ELAPOR2: variants seen among roughly 807,000 people sequenced by gnomAD.
ELAPOR2 encodes the protein endosome-lysosome associated apoptosis and autophagy regulator family member 2, also known as endosome/lysosome-associated apoptosis and autophagy regulator family member 2.
A neutral mutation model predicts 120.7 loss-of-function variants in ELAPOR2; 89 were observed. The ratio of observed to expected loss-of-function variants is 0.74; its 90% CI spans 0.62 to 0.88. The LOEUF is 0.88. Among genes scored for constraint, ELAPOR2 ranks in the 40% least tolerant of loss-of-function variants. ELAPOR2 has a pLI of 0.00. For missense variants in ELAPOR2, 1,134 were observed against 1,251.6 expected (o/e 0.91, Z 1.42); for synonymous variants, 444 against 444.9 (o/e 1.00, Z 0.03).
At chr7:87,053,245 A>G (rs1000455849) in intron 1 of ELAPOR2, among the ~76,000 whole-genome samples, 2 of 152,244 alleles carry the variant, frequency 1.3e-5, no homozygotes, top group African/African-American at 4.8e-5. Flanking sequence ...GTCAGTGATT[A>G]GTGCTCCCAA....
At chr7:86,949,720 C>T (rs1375875618) in intron 2 of ELAPOR2, among the ~76,000 whole-genome samples, 3 of 152,240 alleles carry the variant, frequency 2.0e-5, no homozygotes, top group Non-Finnish European at 4.4e-5. Context: ...TGAGCCTGGG[C>T]ACTCTGCTAA....
chr7:86,973,164 A>G (rs1185460229), intron 1 of ELAPOR2, among the ~76,000 whole-genome samples: 1 of 152,108 alleles, frequency 6.6e-6, no homozygotes, highest in Non-Finnish European at 1.5e-5. Context: ...GGAAGATCTC[A>G]TTATGTCATC....
intron 18 of ELAPOR2, among the ~76,000 whole-genome samples, 198 bp from the exon 19 acceptor site, chr7:86,897,830 A>G (rs964011120): frequency 1.3e-5 from 2 of 152,174 alleles, no homozygotes; most frequent in South Asian, 2.1e-4. Flanking sequence ...GCTGGAATCA[A>G]AAAGATAATA....
intron 10 of ELAPOR2, among the ~76,000 whole-genome samples, chr7:86,920,144 G>T (rs1465306279): frequency 6.6e-6 from 1 of 152,104 alleles, no homozygotes; most frequent in Non-Finnish European, 1.5e-5. Context: ...CTGACTTGGC[G>T]ATTTTTGAAA....
At chr7:86,902,240 G>A (rs895898884) in intron 18 of ELAPOR2, among the ~76,000 whole-genome samples, 16 of 151,998 alleles carry the variant, frequency 1.1e-4, no homozygotes, top group African/African-American at 3.9e-4. Flanking sequence ...GCTATGGCGC[G>A]ATCTCAGCTC....
At chr7:87,004,677 C>T (rs1383452447) in intron 1 of ELAPOR2, among the ~76,000 whole-genome samples, 1 of 152,140 alleles carries the variant, frequency 6.6e-6, no homozygotes, top group Non-Finnish European at 1.5e-5. Flanking sequence ...CTATCAAGGT[C>T]ACATGCTGGT....
chr7:86,892,868 T>C, intron 20 of ELAPOR2, 54 bp downstream of exon 20: 1 of 1,389,940 alleles, frequency 7.2e-7, no homozygotes, highest in East Asian at 2.8e-5. Context: ...TCTAGAATTT[T>C]CACAACAAAA....
chr7:86,880,424 G>C lies in ELAPOR2; in HGVS notation c.*47C>G. Reference sequence around the variant, plus strand: ...CCTAAAATATGGTCCTGTAAAACTAGAGCAGGTTTCTTTGTTCATTAGTCT... The same window carrying C: ...CCTAAAATATGGTCCTGTAAAACTACAGCAGGTTTCTTTGTTCATTAGTCT... On this transcript the variant is annotated 3_prime_UTR_variant, in exon 22 of 22. Coordinates refer to ENST00000450689, the MANE Select transcript of ELAPOR2 (RefSeq NM_001142749.3). 2 of 1,349,794 alleles carry C rather than the reference G, an allele frequency of 1.5e-6. No homozygotes were observed. The highest frequency in any genetic ancestry group is 2.1e-6 in the Non-Finnish European group (2 of 940,612). The allele number at this position is 1,349,794 out of a possible 1,614,324, so 83.6% of individuals were successfully genotyped here.
At chr7:87,049,682 A>G (rs924205789) in intron 1 of ELAPOR2, among the ~76,000 whole-genome samples, 6 of 152,220 alleles carry the variant, frequency 3.9e-5, no homozygotes, top group Non-Finnish European at 8.8e-5. Flanking sequence ...GAATGAAGAG[A>G]GTTCCAGGCA....
intron 16 of ELAPOR2, among the ~76,000 whole-genome samples, chr7:86,909,161 C>G (rs1340917755): frequency 1.3e-5 from 2 of 151,944 alleles, no homozygotes; most frequent in Non-Finnish European, 2.9e-5. Context: ...TGCTGAAAGT[C>G]AATGCTAAAT....
intron 2 of ELAPOR2, among the ~76,000 whole-genome samples, chr7:86,951,887 C>T (rs1348399946): frequency 6.6e-6 from 1 of 152,212 alleles, no homozygotes; most frequent in Admixed American, 6.5e-5. Flanking sequence ...TTATCTAACA[C>T]ATGTATTTTT....
intron 1 of ELAPOR2, among the ~76,000 whole-genome samples, chr7:87,019,525 A>G (rs1037412622): frequency 1.3e-5 from 2 of 152,208 alleles, no homozygotes; most frequent in African/African-American, 4.8e-5. Flanking sequence ...ACTAAAAGTC[A>G]TTAAGCAGGC....
chr7:87,057,094 G>A (rs770681351), intron 1 of ELAPOR2, among the ~76,000 whole-genome samples: 5 of 152,238 alleles, frequency 3.3e-5, no homozygotes, highest in East Asian at 1.9e-4. Flanking sequence ...AATGATAAAC[G>A]AGCAGGAGTG....
chr7:87,008,609 G>A (rs1280874319), intron 1 of ELAPOR2, among the ~76,000 whole-genome samples: 2 of 152,158 alleles, frequency 1.3e-5, no homozygotes, highest in Non-Finnish European at 2.9e-5. Flanking sequence ...TGGCCAGGCT[G>A]GTCTCAAACT....
At position 86,878,122 on chromosome 7, in the gene ELAPOR2, G is replaced by A. The variant is rs551112828; in HGVS notation, c.*2349C>T. 6.6e-6 allele frequency: 1 copy of A among 152,090 alleles called. No individual in the cohort carries two copies. Among genetic ancestry groups the A allele is most frequent in the East Asian group, 1.9e-4 (1 of 5,202 alleles). The allele number at this position is 152,090 out of a possible 1,614,324, so 9.4% of individuals were successfully genotyped here. ...AAATAACTTCTTCTACCACTTAGGG[G>A]GGAAAAGGAACAAGTGTCAATCAAA... On this transcript the variant is annotated 3_prime_UTR_variant, in exon 22 of 22. Coordinates refer to ENST00000450689, the MANE Select transcript of ELAPOR2 (RefSeq NM_001142749.3).
At chr7:87,010,434 C>T (rs1562966756) in intron 1 of ELAPOR2, among the ~76,000 whole-genome samples, 1 of 152,192 alleles carries the variant, frequency 6.6e-6, no homozygotes, top group African/African-American at 2.4e-5. Context: ...GAAGACTAAG[C>T]ATCCTCTAGC....
At chr7:86,983,904 G>A (rs1172687259) in intron 1 of ELAPOR2, among the ~76,000 whole-genome samples, 1 of 152,198 alleles carries the variant, frequency 6.6e-6, no homozygotes, top group Non-Finnish European at 1.5e-5. Context: ...ATTGGATAAA[G>A]AGTCAAGACC....
intron 1 of ELAPOR2, among the ~76,000 whole-genome samples, chr7:86,984,400 A>T (rs1476485556): frequency 6.6e-6 from 1 of 152,216 alleles, no homozygotes; most frequent in African/African-American, 2.4e-5. Flanking sequence ...TCAGCACCAC[A>T]TTGCACTTAT....
Position 86,983,833 on chromosome 7 carries a change from A to G in ELAPOR2, c.190-18809T>C, listed in dbSNP as rs544563449. Among the ~76,000 whole-genome samples the G allele has an allele frequency of 5.9e-5, 9 of 152,298 alleles. 1 individual carries two copies. Among genetic ancestry groups the G allele is most frequent in the African/African-American group, 1.9e-4 (8 of 41,554 alleles). On this transcript the variant is annotated intron_variant, in intron 1 of 21. Transcript: ENST00000450689. Reference sequence around the variant, plus strand: ...AATGACAGGATCAAATTCACACACAACAATATTAACCTTAAATGTAAATGG... The same window carrying G: ...AATGACAGGATCAAATTCACACACAGCAATATTAACCTTAAATGTAAATGG...
Sources: allele counts gnomAD v4.1 joint callset (sites outside exome capture counted in the v4.1 genomes callset), GRCh38; gene constraint gnomAD v4.1.1; transcripts MANE v1.5; gene names NCBI Gene and HGNC (gene_info 2026-07-23, HGNC 2026-07-21).